The following NAXD variants were observed in gnomAD, a reference collection of about 807,000 sequenced individuals.
NAXD encodes ATP-dependent (S)-NAD(P)H-hydrate dehydratase.
In NAXD, 22 loss-of-function variants were observed where a neutral mutation model predicts 35.8. The ratio of observed to expected loss-of-function variants is 0.62; its 90% CI spans 0.44 to 0.88. NAXD has a LOEUF of 0.88. Among genes scored for constraint, NAXD ranks in the 40% least tolerant of loss-of-function variants. NAXD has a pLI of 0.00. For synonymous variants in NAXD, 189 were observed against 177.6 expected, an observed-to-expected ratio of 1.06 and a Z score of -0.51; for missense variants, 428 against 437.7, an observed-to-expected ratio of 0.98 and a Z score of 0.20.
At chr13:110,621,904 C>T (rs1041007886) in intron 1 of NAXD, among the ~76,000 whole-genome samples, 1 of 151,818 alleles carries the variant, frequency 6.6e-6, no homozygotes, top group Non-Finnish European at 1.5e-5. Context: ...GTAGTAGACA[C>T]CTATAATCCC....
intron 5 of NAXD, among the ~76,000 whole-genome samples, chr13:110,631,839 A>G (rs556861246): frequency 6.6e-6 from 1 of 152,208 alleles, no homozygotes; most frequent in Non-Finnish European, 1.5e-5. Flanking sequence ...TGCTCGGACC[A>G]GTGTCAGAGC....
chr13:110,623,926 C>A (rs536997021), intron 2 of NAXD, among the ~76,000 whole-genome samples: 195 of 151,366 alleles, frequency 1.3e-3, no homozygotes, highest in African/African-American at 4.6e-3. Context: ...CGCTTGAACC[C>A]AGGAGGCGGA....
Position 110,638,359 on chromosome 13 carries a change from G to A in NAXD, c.840-19G>A, listed in dbSNP as rs746815542. 3.0e-5 allele frequency: 48 copies of A among 1,613,726 alleles called. No homozygotes were observed. The highest frequency in any genetic ancestry group is 3.3e-4 in the Middle Eastern group (2 of 6,084). On this transcript the variant is annotated intron_variant, in intron 9 of 9. Coordinates refer to ENST00000680254, the MANE Select transcript of NAXD (RefSeq NM_001242882.2). The surrounding 1 kb of genome is among the most constrained non-coding windows in gnomAD (Gnocchi z 5.4). The stretch of plus-strand genomic sequence containing the variant: ...CGACGCCCACTTCCCCACACCTCCT[G>A]CTGTCCCCCTCTCCGCAGGTCCAGC...
At chr13:110,631,998 A>G (rs1250801632) in intron 5 of NAXD, among the ~76,000 whole-genome samples, 1 of 152,178 alleles carries the variant, frequency 6.6e-6, no homozygotes, top group African/African-American at 2.4e-5. Context: ...TATTCTTAGC[A>G]TGTATTTTTA....
intron 1 of NAXD, among the ~76,000 whole-genome samples, chr13:110,619,718 A>G (rs1476775434): frequency 6.6e-6 from 1 of 152,112 alleles, no homozygotes; most frequent in Non-Finnish European, 1.5e-5. Context: ...CTGACTGGGT[A>G]GAAGCCGGGG....
intron 1 of NAXD, among the ~76,000 whole-genome samples, chr13:110,620,632 A>G (rs556129769): frequency 6.6e-6 from 1 of 151,244 alleles, no homozygotes; most frequent in African/African-American, 2.4e-5. Flanking sequence ...GGATCTTTTT[A>G]TCTTGGGGAA....
At chr13:110,620,123 T>C (rs1886202397) in intron 1 of NAXD, among the ~76,000 whole-genome samples, 1 of 151,992 alleles carries the variant, frequency 6.6e-6, no homozygotes, top group East Asian at 1.9e-4. Flanking sequence ...TCTAGACAAG[T>C]GTATTGTTTT....
Position 110,638,280 on chromosome 13 carries a change from A to C in NAXD, c.840-98A>C. The C allele has an allele frequency of 6.3e-7, 1 of 1,594,240 alleles. No homozygotes were observed. On this transcript the variant is annotated intron_variant, in intron 9 of 9. Coordinates refer to ENST00000680254, the MANE Select transcript of NAXD (RefSeq NM_001242882.2). The surrounding 1 kb of genome is among the most constrained non-coding windows in gnomAD (Gnocchi z 5.4). Reference sequence around the variant, plus strand: ...TTGAAATTGACAATTTGGGGTCCTGAGATTGAAACAGGAGTCAAAACCAGA... The same window carrying C: ...TTGAAATTGACAATTTGGGGTCCTGCGATTGAAACAGGAGTCAAAACCAGA...
At chr13:110,634,173 TTTA>T (rs1874301201) in intron 5 of NAXD, among the ~76,000 whole-genome samples, 1 of 152,228 alleles carries the variant, frequency 6.6e-6, no homozygotes, top group African/African-American at 2.4e-5. Flanking sequence ...GATGTTGCAT[TTTA>T]TTAAGAGTCT....
In NAXD at chr13:110,622,276, T is replaced by C; in HGVS notation, c.107T>C (p.Leu36Ser). ...TCGATAAAGGATATGGAAAATACTT[T>C]GCAGCTGGTGAGAAATATCATACCT... is the stretch of plus-strand genomic sequence containing the variant. ...AHSIKDMENTLQLVRNIIPPL... is the reference protein window; with the variant it reads ...AHSIKDMENTSQLVRNIIPPL... The change falls in exon 2 of 10, where the codon TTG becomes TCG. Residue 36 changes from leucine (L) to serine (S), a missense_variant. Leu to Ser is a moderately radical substitution (Grantham distance 145). This residue lies in a region of NAXD where 208 missense variants were observed against 193.0 expected (regional missense o/e 1.08). Transcript: ENST00000680254. 18 of 1,614,198 alleles carry C rather than the reference T, an allele frequency of 1.1e-5. No homozygotes were observed. The highest frequency in any genetic ancestry group is 2.2e-5 in the East Asian group (1 of 44,888).
In NAXD at chr13:110,637,646, C is replaced by A. The variant is rs904487050; in HGVS notation, c.839+397C>A. The A allele has an allele frequency of 1.0e-5, 4 of 393,270 alleles. No homozygotes were observed. In the Admixed American group the frequency reaches 1.4e-4, roughly 13 times the overall value. The allele number at this position is 393,270 out of a possible 1,614,324, so 24.4% of individuals were successfully genotyped here. The stretch of plus-strand genomic sequence containing the variant: ...AAAGATGTGAATTTTCTTTAAGAGA[C>A]AGCAGAATTCTAGGACCAGGGCCCT... On this transcript the variant is annotated intron_variant, in intron 9 of 9. Coordinates refer to ENST00000680254, the MANE Select transcript of NAXD (RefSeq NM_001242882.2).
At position 110,638,737 on chromosome 13, in the gene NAXD, C is replaced by T. The variant is rs1887045173; in HGVS notation, c.*209C>T. 1 of 709,778 alleles carries T rather than the reference C, an allele frequency of 1.4e-6. No individual in the cohort carries two copies. Among genetic ancestry groups the T allele is most frequent in the East Asian group, 2.7e-5 (1 of 37,134 alleles). The allele number at this position is 709,778 out of a possible 1,614,324, so 44.0% of individuals were successfully genotyped here. ...TGCATGGTTGGAGATGTTATGGCGA[C>T]ACTAAACAAAGTATTCCTGAACTTT... is the stretch of plus-strand genomic sequence containing the variant. On this transcript the variant is annotated 3_prime_UTR_variant, in exon 10 of 10. Transcript: ENST00000680254. The surrounding 1 kb of genome is among the most constrained non-coding windows in gnomAD (Gnocchi z 5.4).
At chr13:110,633,513 C>T (rs1469977749) in intron 5 of NAXD, among the ~76,000 whole-genome samples, 1 of 152,240 alleles carries the variant, frequency 6.6e-6, no homozygotes, top group African/African-American at 2.4e-5. Flanking sequence ...TCCTCAAATG[C>T]CGCCAAAGTG....
In NAXD at chr13:110,615,560, G is replaced by A; in HGVS notation, c.-42G>A. ...AAACGCTTCCAATGGCTGTGTTTCC[G>A]GCGACGGCGCGGGGGCAGCTGGGAA... is the stretch of plus-strand genomic sequence containing the variant. On this transcript the variant is annotated 5_prime_UTR_variant, in exon 1 of 10. Coordinates refer to ENST00000680254, the MANE Select transcript of NAXD (RefSeq NM_001242882.2). The A allele has an allele frequency of 7.5e-7, 1 of 1,336,572 alleles. No homozygotes were observed. The highest frequency in any genetic ancestry group is 1.8e-5 in the South Asian group (1 of 54,776). The allele number at this position is 1,336,572 out of a possible 1,614,324, so 82.8% of individuals were successfully genotyped here.
At chr13:110,627,875 G>A (rs909122190) in intron 5 of NAXD, among the ~76,000 whole-genome samples, 1 of 152,118 alleles carries the variant, frequency 6.6e-6, no homozygotes, top group Admixed American at 6.5e-5. Flanking sequence ...AGGCCTGGGT[G>A]TATCTCCCAG....
At position 110,635,586 on chromosome 13, in the gene NAXD, A is replaced by G. The variant is rs1336590695; in HGVS notation, c.716A>G (p.Gln239Arg). Reference protein sequence around the residue: ...GERDILSNGQQVLVCSQEGSS... With the variant: ...GERDILSNGQRVLVCSQEGSS... The stretch of plus-strand genomic sequence containing the variant: ...CGCGACATCCTCTCCAACGGCCAGC[A>G]GGGTGAGTGGCGGCTGCCCTCTGTG... Residue 239 changes from glutamine to arginine, a missense_variant and splice_region_variant, in exon 8 of 10, where the codon CAG (glutamine) becomes CGG (arginine). Coordinates refer to ENST00000680254, the MANE Select transcript of NAXD (RefSeq NM_001242882.2). 1 of 1,613,996 alleles carries G rather than the reference A, an allele frequency of 6.2e-7. No individual in the cohort carries two copies. The highest frequency in any genetic ancestry group is 2.2e-5 in the East Asian group (1 of 44,886).
At chr13:110,620,555 G>C (rs1367706724) in intron 1 of NAXD, among the ~76,000 whole-genome samples, 1 of 149,626 alleles carries the variant, frequency 6.7e-6, no homozygotes, top group African/African-American at 2.5e-5. Flanking sequence ...ACTCCAGCCT[G>C]GCGACAGAGT....
At chr13:110,627,793 T>C (rs1886551936) in intron 5 of NAXD, among the ~76,000 whole-genome samples, 1 of 151,840 alleles carries the variant, frequency 6.6e-6, no homozygotes, top group African/African-American at 2.4e-5. Flanking sequence ...GTGTGTGGAG[T>C]TGCTCAGTTG....
chr13:110,633,399 G>A (rs530618319), intron 5 of NAXD, among the ~76,000 whole-genome samples: 75 of 152,184 alleles, frequency 4.9e-4, no homozygotes, highest in Non-Finnish European at 9.8e-4. Flanking sequence ...CCCAGTTCCC[G>A]CTCGCGCCTC....
Sources: allele counts gnomAD v4.1 joint callset (sites outside exome capture counted in the v4.1 genomes callset), GRCh38; gene constraint gnomAD v4.1.1; regional missense constraint gnomAD v4.1.1; non-coding constraint Gnocchi (gnomAD v3.1); transcripts MANE v1.5; gene names NCBI Gene and HGNC (gene_info 2026-07-23, HGNC 2026-07-21).